HNRNPK: variants seen among roughly 807,000 people sequenced by gnomAD.
The protein encoded by HNRNPK is heterogeneous nuclear ribonucleoprotein K.
Under a neutral mutation model 67.0 loss-of-function variants are expected in HNRNPK, and 7 were observed. The ratio of observed to expected loss-of-function variants is 0.10; its 90% CI spans 0.06 to 0.20. The LOEUF is 0.20. Ranked by LOEUF, HNRNPK falls within the 10% of genes least tolerant of loss-of-function variation. The probability of loss-of-function intolerance (pLI) is 1.00; values close to 1 mark genes in which losing one functional copy is unlikely to be tolerated. For missense variants in HNRNPK, 264 were observed against 606.5 expected (o/e 0.44, Z 5.93); for synonymous variants, 213 against 193.7 (o/e 1.10, Z -0.83).
rs370696476 is a variant in HNRNPK at position 83,969,186 on chromosome 9, C to A, written c.*221G>T. The A allele has an allele frequency of 2.5e-5, 14 of 564,324 alleles. No individual in the cohort carries two copies. The highest frequency in any genetic ancestry group is 3.5e-5 in the Non-Finnish European group (11 of 312,796). 35.0% of individuals were successfully genotyped at this position (564,324 alleles called of 1,614,324 possible). A position where few individuals can be genotyped will look rare whatever the true frequency, so the allele number is the denominator to read the frequency against. On this transcript the variant is annotated 3_prime_UTR_variant, in exon 17 of 17. Coordinates refer to ENST00000376263, the MANE Select transcript of HNRNPK (RefSeq NM_031263.4). ...GTTAGTTTTTGCACGCCCTTCCCCC[C>A]CCCAACCCTGTTTGTAAGGAACTAA...
intron 4 of HNRNPK, 92 bp downstream of exon 4, chr9:83,977,597 T>A: frequency 1.4e-6 from 1 of 696,616 alleles, no homozygotes; most frequent in Non-Finnish European, 2.5e-6. Flanking sequence ...TTCTTCAATC[T>A]GTAAAACTTT....
chr9:83,971,933 C>T lies in HNRNPK; in HGVS notation c.902G>A (p.Gly301Asp). 1 of 1,586,676 alleles carries T rather than the reference C, an allele frequency of 6.3e-7. No individual in the cohort carries two copies. Among genetic ancestry groups the T allele is most frequent in the Non-Finnish European group, 8.6e-7 (1 of 1,164,228 alleles). ...PPPPGRGGRG[G>D]SRARNLPLPP... is the part of the protein sequence containing the mutation. The stretch of plus-strand genomic sequence containing the variant: ...AAGAGGAAGATTCCGAGCTCTGCTA[C>T]CACCCCGGCCGCCTCGTCCGGGAGG... The change falls in exon 11 of 17, where the codon GGT (glycine) becomes GAT (aspartate). Residue 301 changes from glycine (G) to aspartate (D), a missense_variant. Transcript: ENST00000376263.
chr9:83,974,092 C>CT (rs1486172740), intron 7 of HNRNPK, 119 bp from the exon 8 acceptor site: 3 of 620,378 alleles, frequency 4.8e-6, no homozygotes, highest in Non-Finnish European at 8.4e-6. Context: ...TAATGAGAAA[C>CT]TGCTTTATTC....
intron 3 of HNRNPK, 86 bp downstream of exon 3, chr9:83,978,107 CCA>C (rs1957153979): frequency 2.4e-6 from 2 of 841,570 alleles, no homozygotes; most frequent in African/African-American, 1.7e-5. Flanking sequence ...CAAAAATTCA[CCA>C]CACACTCCTA....
chr9:83,972,210 A>C (rs1272964351), intron 10 of HNRNPK, 21 bp from the exon 11 acceptor site: 1 of 1,552,116 alleles, frequency 6.4e-7, no homozygotes, highest in African/African-American at 1.4e-5. Context: ...AGATGGAACA[A>C]ACTTACAGAC....
At chr9:83,969,734 A>G (rs780307233) in intron 16 of HNRNPK, 1 of 653,772 alleles carries the variant, frequency 1.5e-6, no homozygotes, top group Non-Finnish European at 2.9e-6. Context: ...ATTTTACAGC[A>G]CCAATCATTT....
chr9:83,970,554 T>C, intron 15 of HNRNPK, 183 bp downstream of exon 15: 1 of 640,572 alleles, frequency 1.6e-6, no homozygotes. Context: ...ACTACTTTTA[T>C]TAATAGCACT....
At chr9:83,976,167 A>T (rs1476967875) in intron 5 of HNRNPK, among the ~76,000 whole-genome samples, 3 of 152,220 alleles carry the variant, frequency 2.0e-5, no homozygotes, top group African/African-American at 7.2e-5. Context: ...AAGTTTGTAA[A>T]ATTTTAAACA....
chr9:83,978,871 T>C (rs745682096), intron 1 of HNRNPK, among the ~76,000 whole-genome samples: 3 of 152,214 alleles, frequency 2.0e-5, no homozygotes, highest in Non-Finnish European at 4.4e-5. Flanking sequence ...CGATCTTATG[T>C]GACATCTCTA....
chr9:83,970,030 AGAAT>A, intron 16 of HNRNPK, 128 bp downstream of exon 16: 1 of 702,038 alleles, frequency 1.4e-6, no homozygotes, highest in East Asian at 2.6e-5. Context: ...GCAAACTATT[AGAAT>A]GTTTAGAAGT....
In HNRNPK at chr9:83,969,454, G is replaced by GAA; in HGVS notation, c.1362-16_1362-15dup. 2 of 1,548,276 alleles carry GAA rather than the reference G, an allele frequency of 1.3e-6. No homozygotes were observed. The highest frequency in any genetic ancestry group is 1.7e-4 in the Middle Eastern group (1 of 5,838). ...TACTGCTTCACACTATAAAAGAAAAGAAAAAAAAGTGCGAATTAGAATTTT... is the reference window on the plus strand; with the variant it reads ...TACTGCTTCACACTATAAAAGAAAAGAAAAAAAAAAGTGCGAATTAGAATTTT... On this transcript the variant is annotated splice_polypyrimidine_tract_variant and intron_variant, in intron 16 of 16. Coordinates refer to ENST00000376263, the MANE Select transcript of HNRNPK (RefSeq NM_031263.4).
Position 83,971,333 on chromosome 9 carries a change from A to G in HNRNPK, c.1032T>C (p.Thr344=). The change falls in exon 13 of 17, where the codon ACT becomes ACC. Residue 344 remains threonine, a synonymous_variant. Coordinates refer to ENST00000376263, the MANE Select transcript of HNRNPK (RefSeq NM_031263.4). ...TCCATGTATCTATTGCAGAGTCCCA[A>G]GTTTCATCAGCACTGAAACCAACCT... is the stretch of plus-strand genomic sequence containing the variant. ...DGMVGFSADE[T]WDSAIDTWSP... 1.2e-6 allele frequency: 2 copies of G among 1,611,968 alleles called. No individual in the cohort carries two copies. The highest frequency in any genetic ancestry group is 2.2e-5 in the South Asian group (2 of 91,034).
intron 16 of HNRNPK, 102 bp downstream of exon 16, chr9:83,970,060 T>A: frequency 1.1e-6 from 1 of 934,404 alleles, no homozygotes; most frequent in Non-Finnish European, 1.6e-6. Flanking sequence ...CCCCAAAAGG[T>A]TGAGACACCA....
rs1956685311 is a variant in HNRNPK, at chr9:83,968,613, TA to T, written c.*793del. 1.3e-5 allele frequency: 2 copies of T among 152,682 alleles called. No individual in the cohort carries two copies. The highest frequency in any genetic ancestry group is 4.1e-4 in the South Asian group (2 of 4,830). The allele number at this position is 152,682 out of a possible 1,614,324, so 9.5% of individuals were successfully genotyped here. On this transcript the variant is annotated 3_prime_UTR_variant, in exon 17 of 17. Transcript: ENST00000376263. The stretch of plus-strand genomic sequence containing the variant: ...CCACCTTAGTTCTTCACAACTAACA[TA>T]GAAAATTGTTGAAAAGTAGGGGCAA...
At chr9:83,977,493 T>A (rs1338879458) in intron 4 of HNRNPK, among the ~76,000 whole-genome samples, 196 bp downstream of exon 4, 1 of 152,200 alleles carries the variant, frequency 6.6e-6, no homozygotes, top group African/African-American at 2.4e-5. Flanking sequence ...GTAGTGGCGG[T>A]TCACTACAGC....
At chr9:83,972,421 G>A (rs1037029567) in intron 10 of HNRNPK, 7 of 531,942 alleles carry the variant, frequency 1.3e-5, no homozygotes, top group African/African-American at 9.7e-5. Context: ...TATACAGGGA[G>A]AAGTAATAGC....
At chr9:83,977,948 ACACAAAATACTGC>A (rs1957145841) in intron 3 of HNRNPK, among the ~76,000 whole-genome samples, 162 bp from the exon 4 acceptor site, 1 of 152,236 alleles carries the variant, frequency 6.6e-6, no homozygotes, top group African/African-American at 2.4e-5. Flanking sequence ...AATGCACCAA[ACACAAAATACTGC>A]CACAAAATAC....
In HNRNPK at chr9:83,970,835, A is replaced by G. The variant is rs777028296; in HGVS notation, c.1109-16T>C. On this transcript the variant is annotated splice_polypyrimidine_tract_variant and intron_variant, in intron 14 of 16. Transcript: ENST00000376263. ...TAGGAATAATCTGATTTAAATAATG[A>G]GCAGTAAGTTCATTTAAAAAGTATG... 2.5e-6 allele frequency: 4 copies of G among 1,608,384 alleles called. No individual in the cohort carries two copies. Among genetic ancestry groups the G allele is most frequent in the Non-Finnish European group, 3.4e-6 (4 of 1,174,884 alleles).
At chr9:83,974,162 T>A (rs1263261318) in intron 7 of HNRNPK, among the ~76,000 whole-genome samples, 189 bp from the exon 8 acceptor site, 1 of 152,182 alleles carries the variant, frequency 6.6e-6, no homozygotes, top group Non-Finnish European at 1.5e-5. Flanking sequence ...GTGAATTATG[T>A]AGAGTCTTAA....
Sources: gnomAD v4.1 joint callset for allele counts (sites outside exome capture counted in the v4.1 genomes callset) on GRCh38, gnomAD v4.1.1 for gene constraint, MANE v1.5 for transcripts, NCBI Gene and HGNC (gene_info 2026-07-23, HGNC 2026-07-21) for gene names.